Variants in CLNK observed in about 807,000 individuals in gnomAD.
CLNK encodes the protein cytokine-dependent hematopoietic cell linker.
A neutral mutation model predicts 68.6 loss-of-function variants in CLNK; 74 were observed. The ratio of observed to expected loss-of-function variants is 1.08; its 90% CI spans 0.89 to 1.31. The LOEUF (loss-of-function observed/expected upper bound fraction) is 1.31, where lower values mean the gene tolerates loss of function less well. CLNK is among the 50% of genes most tolerant of loss of function. CLNK has a pLI of 0.00. For synonymous variants in CLNK, 198 were observed against 172.2 expected (o/e 1.15, Z -1.17); for missense variants, 553 against 515.3 (o/e 1.07, Z -0.71).
At chr4:10,511,494 A>T (rs537923162) in intron 16 of CLNK, among the ~76,000 whole-genome samples, 1 of 152,292 alleles carries the variant, frequency 6.6e-6, no homozygotes, top group African/African-American at 2.4e-5. Context: ...GAAACTCTGT[A>T]TCCATTAAAG....
chr4:10,593,792 T>C (rs1577153640), intron 3 of CLNK, among the ~76,000 whole-genome samples: 2 of 152,194 alleles, frequency 1.3e-5, no homozygotes, highest in Non-Finnish European at 2.9e-5. Context: ...TTGCTGCAGG[T>C]GCTAGTGGCA....
chr4:10,653,289 T>C (rs979606316), intron 2 of CLNK, among the ~76,000 whole-genome samples: 4 of 152,002 alleles, frequency 2.6e-5, no homozygotes, highest in African/African-American at 9.7e-5. Flanking sequence ...TGTATACCTA[T>C]GTGTCATGGG....
intron 2 of CLNK, among the ~76,000 whole-genome samples, chr4:10,604,388 G>C (rs560192728): frequency 2.0e-5 from 3 of 152,302 alleles, no homozygotes; most frequent in African/African-American, 4.8e-5. Flanking sequence ...GGTGCCAGGT[G>C]TAAACTTCCT....
chr4:10,719,881 A>T, the CLNK span, among the ~76,000 whole-genome samples: 1 of 152,272 alleles, frequency 6.6e-6, no homozygotes, highest in South Asian at 2.1e-4. Flanking sequence ...GTGGAATCAA[A>T]CTGGAAATCA....
chr4:10,584,354 C>G (rs1272372719), intron 4 of CLNK, among the ~76,000 whole-genome samples: 1 of 152,226 alleles, frequency 6.6e-6, no homozygotes, highest in East Asian at 1.9e-4. Flanking sequence ...TCCAGTCATT[C>G]TATCTAGACA....
At chr4:10,685,495 C>T (rs775531441), upstream of CLNK, among the ~76,000 whole-genome samples, 9 of 152,152 alleles carry the variant, frequency 5.9e-5, no homozygotes, top group African/African-American at 1.2e-4. Context: ...CATTTTCTTT[C>T]GGCCTTAATC....
intron 2 of CLNK, among the ~76,000 whole-genome samples, chr4:10,614,704 C>T (rs1389097514): frequency 6.6e-6 from 1 of 152,214 alleles, no homozygotes; most frequent in African/African-American, 2.4e-5. Flanking sequence ...GATGTGATCC[C>T]TCTGGGATTT....
chr4:10,712,287 C>T, the CLNK span, among the ~76,000 whole-genome samples: 294 of 152,152 alleles, frequency 1.9e-3, 1 homozygote, highest in African/African-American at 6.7e-3. Context: ...GCTTAAGTCC[C>T]CTGCAGTGGA....
At chr4:10,701,329 G>C in the CLNK span, among the ~76,000 whole-genome samples, 1 of 152,154 alleles carries the variant, frequency 6.6e-6, no homozygotes, top group Non-Finnish European at 1.5e-5. Context: ...GTGGTTGAAG[G>C]TCCCCCATGA....
chr4:10,497,714 C>T (rs1347579974), intron 18 of CLNK, among the ~76,000 whole-genome samples: 3 of 152,236 alleles, frequency 2.0e-5, no homozygotes, highest in Non-Finnish European at 4.4e-5. Context: ...TATCTCAGGT[C>T]TCAGTTTCCT....
chr4:10,655,335 A>AGG (rs1553863565), intron 2 of CLNK, among the ~76,000 whole-genome samples: 1 of 7,470 alleles, frequency 1.3e-4, no homozygotes, highest in Non-Finnish European at 9.6e-4. Flanking sequence ...CCCCAAAGAC[A>AGG]GAGAGAGAGA....
intron 3 of CLNK, among the ~76,000 whole-genome samples, chr4:10,591,129 C>A (rs1405062550): frequency 6.6e-6 from 1 of 152,104 alleles, no homozygotes; most frequent in South Asian, 2.1e-4. Context: ...GATGAATGAG[C>A]AAAGCCTGTG....
At chr4:10,609,838 AT>A (rs752886918) in intron 2 of CLNK, among the ~76,000 whole-genome samples, 6 of 152,174 alleles carry the variant, frequency 3.9e-5, no homozygotes, top group South Asian at 4.2e-4. Context: ...GAACCTGCTA[AT>A]TTTACAAATG....
At chr4:10,607,585 CT>C (rs944358137) in intron 2 of CLNK, among the ~76,000 whole-genome samples, 1 of 152,176 alleles carries the variant, frequency 6.6e-6, no homozygotes, top group Non-Finnish European at 1.5e-5. Context: ...CTGTTTTTGT[CT>C]TGCCTGGCAA....
intron 2 of CLNK, among the ~76,000 whole-genome samples, chr4:10,625,336 G>T (rs1352574272): frequency 1.3e-5 from 2 of 152,198 alleles, no homozygotes; most frequent in Admixed American, 6.5e-5. Flanking sequence ...AAACATGACA[G>T]GCTGACACCA....
chr4:10,711,821 A>G, the CLNK span, among the ~76,000 whole-genome samples: 1 of 152,210 alleles, frequency 6.6e-6, no homozygotes, highest in African/African-American at 2.4e-5. Context: ...CTACTGAAGT[A>G]TTTACAAGAA....
At chr4:10,623,173 CATTA>C (rs1722529078) in intron 2 of CLNK, among the ~76,000 whole-genome samples, 1 of 152,106 alleles carries the variant, frequency 6.6e-6, no homozygotes, top group Non-Finnish European at 1.5e-5. Flanking sequence ...ATGAGTCTCC[CATTA>C]CTCAGTTGAG....
chr4:10,601,771 C>A (rs1216987782), intron 2 of CLNK, among the ~76,000 whole-genome samples: 1 of 152,176 alleles, frequency 6.6e-6, no homozygotes, highest in Non-Finnish European at 1.5e-5. Flanking sequence ...CTTTCCTGTC[C>A]ACTCAGCCCA....
rs1399776409 is a variant in CLNK at position 10,534,767 on chromosome 4, C to T, written c.603-2484G>A. Among the ~76,000 whole-genome samples the T allele has an allele frequency of 4.6e-5, 7 of 152,206 alleles. No individual in the cohort carries two copies. In the East Asian group the frequency reaches 1.2e-3, roughly 25 times the overall value. On this transcript the variant is annotated intron_variant, in intron 11 of 18. Coordinates refer to ENST00000226951, the MANE Select transcript of CLNK (RefSeq NM_052964.4). ...ATCCTTAGATAGAATTATGGATTCC[C>T]ATGCAGTTGTAAGAAATAATACAGA...
Sources: gnomAD v4.1 joint callset for allele counts (sites outside exome capture counted in the v4.1 genomes callset) on GRCh38, gnomAD v4.1.1 for gene constraint, MANE v1.5 for transcripts, NCBI Gene and HGNC (gene_info 2026-07-23, HGNC 2026-07-21) for gene names.